The following TNKS variants were observed in gnomAD, a reference collection of about 807,000 sequenced individuals.
TNKS encodes tankyrase, also known as poly [ADP-ribose] polymerase tankyrase-1.
A neutral mutation model predicts 135.8 loss-of-function variants in TNKS; 72 were observed. The ratio of observed to expected loss-of-function variants is 0.53; its 90% confidence interval spans 0.44 to 0.64. The LOEUF (loss-of-function observed/expected upper bound fraction) is 0.64. Among genes scored for constraint, TNKS ranks in the 30% least tolerant of loss-of-function variants. TNKS has a pLI of 0.00. For synonymous variants in TNKS, 849 were observed against 649.3 expected (o/e 1.31, Z -4.68); for missense variants, 1,769 against 1,674.0 (o/e 1.06, Z -0.99).
intron 1 of TNKS, among the ~76,000 whole-genome samples, chr8:9,563,691 A>T (rs1797421316): frequency 6.6e-6 from 1 of 152,132 alleles, no homozygotes; most frequent in Non-Finnish European, 1.5e-5. Flanking sequence ...TAACTCAGGC[A>T]CATGCTATAC....
At chr8:9,719,372 A>G (rs1219946729) in intron 11 of TNKS, among the ~76,000 whole-genome samples, 1 of 150,770 alleles carries the variant, frequency 6.6e-6, no homozygotes, top group Non-Finnish European at 1.5e-5. Context: ...TTTACTGTGT[A>G]CCTTTAGCAG....
chr8:9,724,288 T>A (rs1252704674), intron 12 of TNKS, among the ~76,000 whole-genome samples: 4 of 152,120 alleles, frequency 2.6e-5, no homozygotes, highest in Middle Eastern at 3.4e-3. Flanking sequence ...CGTCTCTACT[T>A]AAAAATTTTT....
chr8:9,640,854 C>G (rs918575682), intron 3 of TNKS, among the ~76,000 whole-genome samples: 1 of 145,904 alleles, frequency 6.9e-6, no homozygotes, highest in Non-Finnish European at 1.5e-5. Flanking sequence ...AACAAGGTCA[C>G]TGTGTAACTC....
At chr8:9,581,449 C>G (rs1002522421) in intron 2 of TNKS, among the ~76,000 whole-genome samples, 2 of 152,200 alleles carry the variant, frequency 1.3e-5, no homozygotes, top group Admixed American at 6.5e-5. Flanking sequence ...AAGTCTCTCA[C>G]TAACATAGCC....
intron 5 of TNKS, among the ~76,000 whole-genome samples, chr8:9,699,910 C>G (rs1803716405): frequency 6.6e-6 from 1 of 152,212 alleles, no homozygotes. Context: ...ATACACTACA[C>G]TTAGCCACTG....
intron 3 of TNKS, among the ~76,000 whole-genome samples, chr8:9,674,170 A>G (rs1458744547): frequency 2.0e-5 from 3 of 152,206 alleles, no homozygotes; most frequent in African/African-American, 7.2e-5. Context: ...TACCAATACT[A>G]AGAATCAAAT....
chr8:9,710,375 T>G, intron 11 of TNKS, 155 bp downstream of exon 11: 3 of 680,072 alleles, frequency 4.4e-6, no homozygotes, highest in Non-Finnish European at 7.7e-6. Flanking sequence ...TAAAGCTGAT[T>G]TAGATCTTGT....
chr8:9,653,149 G>A (rs535291647), intron 3 of TNKS, among the ~76,000 whole-genome samples: 3 of 152,176 alleles, frequency 2.0e-5, no homozygotes, highest in Admixed American at 2.0e-4. Context: ...AAGTAATGAG[G>A]GAGAAAGAAA....
intron 2 of TNKS, among the ~76,000 whole-genome samples, chr8:9,582,563 AC>A (rs2129053712): frequency 6.6e-6 from 1 of 152,282 alleles, no homozygotes; most frequent in African/African-American, 2.4e-5. Context: ...GCTGTAGAGC[AC>A]ATGCTCCAGG....
At chr8:9,559,597 C>CA (rs1554524197) in intron 1 of TNKS, among the ~76,000 whole-genome samples, 2 of 151,942 alleles carry the variant, frequency 1.3e-5, no homozygotes, top group East Asian at 1.9e-4. Context: ...CAGCCTCCCC[C>CA]ATCCCTACCC....
rs865938826 is a variant in TNKS at position 9,778,625 on chromosome 8, T to A, written c.*1889T>A. The stretch of plus-strand genomic sequence containing the variant: ...GTTTGTGTCTTGGCTACTTGTTTAA[T>A]AGCACTAGAATTCCAGGTGAAGCTT... On this transcript the variant is annotated 3_prime_UTR_variant, in exon 27 of 27. Coordinates refer to ENST00000310430, the MANE Select transcript of TNKS (RefSeq NM_003747.3). 3.3e-5 allele frequency: 5 copies of A among 152,606 alleles called. No homozygotes were observed. The highest frequency in any genetic ancestry group is 1.2e-4 in the African/African-American group (5 of 41,440). The allele number at this position is 152,606 out of a possible 1,614,324, so 9.5% of individuals were successfully genotyped here.
chr8:9,583,633 C>T (rs755505323), intron 2 of TNKS, among the ~76,000 whole-genome samples: 7 of 151,818 alleles, frequency 4.6e-5, no homozygotes, highest in African/African-American at 7.3e-5. Flanking sequence ...GGACTGCAGG[C>T]GCATGCCACC....
At chr8:9,710,959 A>G (rs888506312) in intron 11 of TNKS, among the ~76,000 whole-genome samples, 1 of 152,178 alleles carries the variant, frequency 6.6e-6, no homozygotes, top group African/African-American at 2.4e-5. Flanking sequence ...CTAAAGAAAT[A>G]TGACATATTT....
chr8:9,749,442 C>T (rs1806403631), intron 18 of TNKS, among the ~76,000 whole-genome samples: 1 of 151,262 alleles, frequency 6.6e-6, no homozygotes, highest in African/African-American at 2.4e-5. Context: ...TTCACTGTGG[C>T]TGTCTTTTTT....
At chr8:9,771,543 G>C (rs529606009) in intron 26 of TNKS, among the ~76,000 whole-genome samples, 1 of 143,466 alleles carries the variant, frequency 7.0e-6, no homozygotes, top group East Asian at 2.2e-4. Flanking sequence ...GAAAGACTGA[G>C]AGAGGAAGCA....
At chr8:9,732,110 T>G (rs1805476228) in intron 14 of TNKS, among the ~76,000 whole-genome samples, 1 of 152,204 alleles carries the variant, frequency 6.6e-6, no homozygotes, top group Non-Finnish European at 1.5e-5. Context: ...TTTTATATAG[T>G]CTGTAAGTTA....
At chr8:9,768,986 T>C (rs972104487) in intron 25 of TNKS, among the ~76,000 whole-genome samples, 7 of 152,212 alleles carry the variant, frequency 4.6e-5, no homozygotes, top group African/African-American at 1.4e-4. Context: ...TAAAAACAAT[T>C]TGACTGAATT....
intron 5 of TNKS, among the ~76,000 whole-genome samples, chr8:9,702,860 A>T (rs1364470541): frequency 2.2e-4 from 34 of 152,136 alleles, no homozygotes; most frequent in Admixed American, 2.2e-3. Flanking sequence ...AAGTGAAAAT[A>T]CAAAAATTAG....
At chr8:9,707,755 A>G (rs1216434568) in intron 8 of TNKS, among the ~76,000 whole-genome samples, 1 of 152,160 alleles carries the variant, frequency 6.6e-6, no homozygotes, top group Non-Finnish European at 1.5e-5. Context: ...TAAGCTATTA[A>G]TTGTTCTTTG....
Sources: allele counts gnomAD v4.1 joint callset (sites outside exome capture counted in the v4.1 genomes callset), GRCh38; gene constraint gnomAD v4.1.1; transcripts MANE v1.5; gene names NCBI Gene and HGNC (gene_info 2026-07-23, HGNC 2026-07-21).